The following REV3L variants were observed in gnomAD, a reference collection of about 807,000 sequenced individuals.
REV3L encodes REV3 like, DNA directed polymerase zeta catalytic subunit, also known as DNA polymerase zeta catalytic subunit.
In REV3L, 69 loss-of-function variants were observed where a neutral mutation model predicts 299.4. The observed-to-expected ratio is 0.23, with a 90% CI of 0.19 to 0.28. REV3L has a LOEUF of 0.28. REV3L is among the 10% of genes least tolerant of loss of function. The pLI is 1.00. For synonymous variants in REV3L, 1,238 were observed against 1,271.4 expected, an observed-to-expected ratio of 0.97 and a Z score of 0.56; for missense variants, 3,128 against 3,693.8, an observed-to-expected ratio of 0.85 and a Z score of 3.97.
At chr6:111,402,983 A>C (rs1410617333) in intron 4 of REV3L, among the ~76,000 whole-genome samples, 1 of 152,228 alleles carries the variant, frequency 6.6e-6, no homozygotes, top group Non-Finnish European at 1.5e-5. Context: ...AGCATTGTTC[A>C]TAATAGCCAA....
At chr6:111,448,792 T>TA in intron 1 of REV3L, among the ~76,000 whole-genome samples, 1 of 150,714 alleles carries the variant, frequency 6.6e-6, no homozygotes, top group South Asian at 2.1e-4. Flanking sequence ...GGCTATTTTT[T>TA]TTTTTTTTTT....
At chr6:111,427,909 G>A (rs867137132) in intron 1 of REV3L, among the ~76,000 whole-genome samples, 1 of 152,004 alleles carries the variant, frequency 6.6e-6, no homozygotes, top group Admixed American at 6.6e-5. Context: ...AGTTGGAGTG[G>A]CTGTTCAGCA....
chr6:111,477,611 A>T (rs967990313), intron 1 of REV3L, among the ~76,000 whole-genome samples: 4 of 152,234 alleles, frequency 2.6e-5, no homozygotes, highest in Non-Finnish European at 5.9e-5. Flanking sequence ...CAAAAAGAGT[A>T]AGTCAAGAAC....
chr6:111,370,042 A>G (rs76278958), intron 13 of REV3L, among the ~76,000 whole-genome samples: 14 of 152,324 alleles, frequency 9.2e-5, no homozygotes, highest in Middle Eastern at 3.4e-3. Context: ...CATGTTGGCC[A>G]GGATGGTCTC....
At chr6:111,479,687 T>C (rs1793392484) in intron 1 of REV3L, among the ~76,000 whole-genome samples, 1 of 152,046 alleles carries the variant, frequency 6.6e-6, no homozygotes, top group Admixed American at 6.6e-5. Context: ...TTTTGTTTGT[T>C]TGTTTGTTTG....
At chr6:111,454,058 T>C (rs1789872922) in intron 1 of REV3L, among the ~76,000 whole-genome samples, 1 of 152,072 alleles carries the variant, frequency 6.6e-6, no homozygotes, top group Admixed American at 6.6e-5. Flanking sequence ...ATTCAGTTGG[T>C]TTCTTAGACA....
At chr6:111,386,807 C>T (rs1178304166) in intron 9 of REV3L, among the ~76,000 whole-genome samples, 2 of 150,806 alleles carry the variant, frequency 1.3e-5, no homozygotes, top group Non-Finnish European at 2.9e-5. Flanking sequence ...CTGCAACCTC[C>T]ACCTCCTGGG....
chr6:111,464,743 T>C (rs1453534055), intron 1 of REV3L, among the ~76,000 whole-genome samples: 1 of 152,232 alleles, frequency 6.6e-6, no homozygotes. Flanking sequence ...TGCTCACGCC[T>C]GTAATCCTTG....
chr6:111,381,339 T>A lies in REV3L; in HGVS notation c.1202A>T (p.Glu401Val), dbSNP rs778672508. The A allele has an allele frequency of 6.2e-6, 10 of 1,613,472 alleles. No homozygotes were observed. Among genetic ancestry groups the A allele is most frequent in the Non-Finnish European group, 8.5e-6 (10 of 1,179,804 alleles). Residue 401 changes from glutamate to valine, a missense_variant, in exon 10 of 32, where the codon GAG (glutamate) becomes GTG (valine). Transcript: ENST00000368802. Reference sequence around the variant, plus strand: ...CTGTTACTTACTGAAAACAGGTGACTCACTCAGTCTTTGGGTCAAAGGCTG... The same window carrying A: ...CTGTTACTTACTGAAAACAGGTGACACACTCAGTCTTTGGGTCAAAGGCTG... ...TFQPLTQRLS[E>V]SPVFMDSSPD...
rs139348785 is a variant in REV3L at position 111,367,450 on chromosome 6, T to C, written c.6338A>G (p.Tyr2113Cys). The stretch of plus-strand genomic sequence containing the variant: ...ATCAGGGGAGCTATAACTAATGTAA[T>C]AGTTATCATCATCATCTTCATCTTT... Reference protein sequence around the residue: ...PEKDEDDDDNYYISYSSPDSP... With the variant: ...PEKDEDDDDNCYISYSSPDSP... Residue 2113 changes from tyrosine to cysteine, a missense_variant, in exon 14 of 32, where the codon TAT becomes TGT. Coordinates refer to ENST00000368802, the MANE Select transcript of REV3L (RefSeq NM_001372078.1). 301 of 1,610,762 alleles carry C rather than the reference T, an allele frequency of 1.9e-4. No individual in the cohort carries two copies. The African/African-American group carries it at 3.5e-3, about 19-fold the overall frequency.
At chr6:111,337,474 T>C (rs927101257) in intron 21 of REV3L, among the ~76,000 whole-genome samples, 1 of 152,186 alleles carries the variant, frequency 6.6e-6, no homozygotes, top group Non-Finnish European at 1.5e-5. Flanking sequence ...TTTATTACTG[T>C]AAGCAATGGT....
intron 26 of REV3L, 103 bp from the exon 27 acceptor site, chr6:111,315,484 A>C: frequency 1.3e-6 from 1 of 773,532 alleles, no homozygotes; most frequent in Non-Finnish European, 2.1e-6. Flanking sequence ...ATGCCAAAGA[A>C]AACTCCCTTT....
chr6:111,314,239 G>C (rs1363096007), intron 27 of REV3L, among the ~76,000 whole-genome samples: 1 of 152,170 alleles, frequency 6.6e-6, no homozygotes, highest in East Asian at 1.9e-4. Context: ...GGTAGACTTT[G>C]TTTTGCAAAG....
chr6:111,456,326 T>C (rs17539155), intron 1 of REV3L, among the ~76,000 whole-genome samples: 3,394 of 152,286 alleles, frequency 0.022, 130 homozygotes, highest in African/African-American at 0.078. Flanking sequence ...TTCTCAAGTA[T>C]GTGCTGGGGA....
Position 111,367,551 on chromosome 6 carries a change from T to C in REV3L, c.6237A>G (p.Ala2079=). 1 of 1,613,608 alleles carries C rather than the reference T, an allele frequency of 6.2e-7. No individual in the cohort carries two copies. Among genetic ancestry groups the C allele is most frequent in the Non-Finnish European group, 8.5e-7 (1 of 1,179,460 alleles). The change falls in exon 14 of 32, where the codon GCA becomes GCG. Residue 2079 remains alanine (A), a synonymous_variant. Coordinates refer to ENST00000368802, the MANE Select transcript of REV3L (RefSeq NM_001372078.1). ...DVDNSQIALQ[A]PTTGCSQTAS... is the part of the protein sequence containing the mutation. ...CAGTTTGACTACATCCCGTGGTTGG[T>C]GCTTGTAAAGCAATCTGAGAATTAT... is the stretch of plus-strand genomic sequence containing the variant.
chr6:111,469,196 C>A (rs1791882853), intron 1 of REV3L, among the ~76,000 whole-genome samples: 1 of 151,974 alleles, frequency 6.6e-6, no homozygotes, highest in African/African-American at 2.4e-5. Context: ...CAAAACAAAC[C>A]TGGATGATTA....
At chr6:111,419,893 G>C (rs1297838558) in intron 1 of REV3L, among the ~76,000 whole-genome samples, 1 of 151,714 alleles carries the variant, frequency 6.6e-6, no homozygotes, top group African/African-American at 2.4e-5. Flanking sequence ...CACCCAGGCT[G>C]GAGTGCAGTG....
At chr6:111,323,289 A>G (rs760797710) in intron 25 of REV3L, among the ~76,000 whole-genome samples, 5 of 152,172 alleles carry the variant, frequency 3.3e-5, no homozygotes, top group Non-Finnish European at 2.9e-5. Context: ...TGCCCGACCT[A>G]TTCAACTTTC....
At position 111,321,745 on chromosome 6, in the gene REV3L, A is replaced by ATC. The variant is rs1339423278; in HGVS notation, c.8351+823_8351+824insGA. ...TACTTATAAGCTATTTAATGATCAG[A>ATC]AGCATTATCTCCTATTGCTCTGTTG... is the stretch of plus-strand genomic sequence containing the variant. On this transcript the variant is annotated intron_variant, in intron 26 of 31. Coordinates refer to ENST00000368802, the MANE Select transcript of REV3L (RefSeq NM_001372078.1). Among the ~76,000 whole-genome samples, 33 of 152,348 alleles carry ATC rather than the reference A, an allele frequency of 2.2e-4. 1 individual carries two copies. The South Asian group carries it at 3.9e-3, about 18-fold the overall frequency.
Sources: gnomAD v4.1 joint callset for allele counts (sites outside exome capture counted in the v4.1 genomes callset) on GRCh38, gnomAD v4.1.1 for gene constraint, MANE v1.5 for transcripts, NCBI Gene and HGNC (gene_info 2026-07-23, HGNC 2026-07-21) for gene names.